The following CNTRL variants were observed in gnomAD, a reference collection of about 807,000 sequenced individuals.
CNTRL encodes centriolin.
A neutral mutation model predicts 303.7 loss-of-function variants in CNTRL; 233 were observed. The ratio of observed to expected loss-of-function variants is 0.77; its 90% CI spans 0.69 to 0.86. The LOEUF (loss-of-function observed/expected upper bound fraction) is 0.86, where lower values mean the gene tolerates loss of function less well. CNTRL is among the 40% of genes least tolerant of loss of function. CNTRL has a pLI of 0.00. For missense variants in CNTRL, 2,524 were observed against 2,650.6 expected (o/e 0.95, Z 1.05); for synonymous variants, 900 against 922.2 (o/e 0.98, Z 0.44).
At position 121,158,907 on chromosome 9, in the gene CNTRL, A is replaced by C; in HGVS notation, c.4817A>C (p.Lys1606Thr). 2.5e-6 allele frequency: 4 copies of C among 1,614,158 alleles called. No homozygotes were observed. The highest frequency in any genetic ancestry group is 2.5e-6 in the Non-Finnish European group (3 of 1,180,012). Reference sequence around the variant, plus strand: ...GTCTTGGACAGGCAGTTAGGGCATAAAAAGGAGGAGCTGCATCTACTCCAA... The same window carrying C: ...GTCTTGGACAGGCAGTTAGGGCATACAAAGGAGGAGCTGCATCTACTCCAA... ...MAVLDRQLGH[K>T]KEELHLLQGS... The change falls in exon 31 of 44, where the codon AAA (lysine) becomes ACA (threonine). Residue 1606 changes from lysine (K) to threonine (T), a missense_variant. Physicochemically the swap from Lys to Thr is moderately conservative, Grantham distance 78 (BLOSUM62 -1). Coordinates refer to ENST00000373855, the MANE Select transcript of CNTRL (RefSeq NM_007018.6).
chr9:121,165,375 A>G (rs1208325397), intron 35 of CNTRL, among the ~76,000 whole-genome samples: 1 of 152,216 alleles, frequency 6.6e-6, no homozygotes, highest in Non-Finnish European at 1.5e-5. Flanking sequence ...AGCAAAAAGA[A>G]ATAAAAATTG....
At chr9:121,109,014 G>C (rs910991896) in intron 8 of CNTRL, among the ~76,000 whole-genome samples, 2 of 152,074 alleles carry the variant, frequency 1.3e-5, no homozygotes, top group African/African-American at 4.8e-5. Context: ...GAATGTTACT[G>C]TATACAGTTA....
intron 7 of CNTRL, among the ~76,000 whole-genome samples, chr9:121,104,709 T>TC (rs2049371492): frequency 6.9e-6 from 1 of 145,292 alleles, no homozygotes; most frequent in African/African-American, 2.5e-5. Context: ...TTTTTTTTTT[T>TC]TTTTTTTTTG....
intron 7 of CNTRL, among the ~76,000 whole-genome samples, chr9:121,100,538 G>C (rs2049108073): frequency 6.6e-6 from 1 of 152,176 alleles, no homozygotes; most frequent in African/African-American, 2.4e-5. Context: ...ATAATGAAAG[G>C]ACCAAATTCA....
At position 121,098,439 on chromosome 9, in the gene CNTRL, A is replaced by G. The variant is rs772122904; in HGVS notation, c.675A>G (p.Leu225=). The change falls in exon 7 of 44, where the codon CTA becomes CTG. Residue 225 remains leucine (L), a synonymous_variant. Coordinates refer to ENST00000373855, the MANE Select transcript of CNTRL (RefSeq NM_007018.6). The stretch of plus-strand genomic sequence containing the variant: ...TTCAAGATTTGATTTCTCTGATCCT[A>G]GTTGAAAATCCAGTTGTGACCCTTC... ...KPLQDLISLI[L]VENPVVTLPH... 2 of 1,613,646 alleles carry G rather than the reference A, an allele frequency of 1.2e-6. No individual in the cohort carries two copies. Among genetic ancestry groups the G allele is most frequent in the Non-Finnish European group, 1.7e-6 (2 of 1,179,626 alleles).
At chr9:121,147,677 G>A (rs900920099) in intron 23 of CNTRL, among the ~76,000 whole-genome samples, 1 of 152,154 alleles carries the variant, frequency 6.6e-6, no homozygotes, top group African/African-American at 2.4e-5. Flanking sequence ...CAAAGCAGAG[G>A]GGCCTGGTGC....
intron 4 of CNTRL, among the ~76,000 whole-genome samples, chr9:121,091,822 C>A (rs183703523): frequency 4.6e-5 from 7 of 150,628 alleles, no homozygotes; most frequent in African/African-American, 1.7e-4. Flanking sequence ...CTAGCCTGGG[C>A]AACCTAGATG....
At position 121,161,837 on chromosome 9, in the gene CNTRL, C is replaced by T; in HGVS notation, c.5090-19C>T. 6.5e-7 allele frequency: 1 copy of T among 1,544,474 alleles called. No individual in the cohort carries two copies. Among genetic ancestry groups the T allele is most frequent in the Non-Finnish European group, 8.9e-7 (1 of 1,119,068 alleles). On this transcript the variant is annotated intron_variant, in intron 32 of 43. Transcript: ENST00000373855. ...AGTTCATTTAATATCATGGACCATGCTTTGTTTCTATCCCTTAGAACTAAA... is the reference window on the plus strand; with the variant it reads ...AGTTCATTTAATATCATGGACCATGTTTTGTTTCTATCCCTTAGAACTAAA...
intron 12 of CNTRL, among the ~76,000 whole-genome samples, chr9:121,123,091 T>G (rs1364662252): frequency 1.3e-5 from 2 of 152,152 alleles, no homozygotes; most frequent in Admixed American, 1.3e-4. Flanking sequence ...GTAGATTTAA[T>G]TTTTTTATTA....
intron 4 of CNTRL, among the ~76,000 whole-genome samples, chr9:121,091,042 C>T (rs1588066537): frequency 6.6e-6 from 1 of 152,266 alleles, no homozygotes. Context: ...CTTACTATCA[C>T]GAGAACAGTA....
intron 2 of CNTRL, among the ~76,000 whole-genome samples, chr9:121,085,957 G>A (rs1402311585): frequency 6.6e-6 from 1 of 152,164 alleles, no homozygotes; most frequent in Non-Finnish European, 1.5e-5. Context: ...ATATAAGTGG[G>A]TCAAAGGTAG....
chr9:121,140,807 C>T (rs765609019), intron 17 of CNTRL, 21 bp downstream of exon 17: 20 of 1,605,494 alleles, frequency 1.2e-5, no homozygotes, highest in Admixed American at 1.7e-5. Flanking sequence ...AGCAAGACCT[C>T]CAAGTCTAGA....
At chr9:121,139,799 A>G (rs979414909) in intron 16 of CNTRL, among the ~76,000 whole-genome samples, 1 of 152,152 alleles carries the variant, frequency 6.6e-6, no homozygotes, top group African/African-American at 2.4e-5. Context: ...TTTAAAGAAA[A>G]ATTTCATACA....
intron 39 of CNTRL, 42 bp from the exon 40 acceptor site, chr9:121,171,366 C>T: frequency 1.2e-6 from 2 of 1,611,540 alleles, no homozygotes; most frequent in Non-Finnish European, 1.7e-6. Flanking sequence ...ACCACACCTC[C>T]ATGTGTTAGA....
rs2053470114 is a variant in CNTRL at position 121,175,211 on chromosome 9, T to G, written c.6941T>G (p.Leu2314Arg). The change falls in exon 43 of 44, where the codon CTT becomes CGT. Residue 2314 changes from leucine (L) to arginine (R), a missense_variant. By Grantham distance (102) the Leu-to-Arg change is moderately radical. Transcript: ENST00000373855. Reference protein sequence around the residue: ...LESSLTEDSQLGQNQEKNASA... With the variant: ...LESSLTEDSQRGQNQEKNASA... ...TCTTCCCTCACAGAGGACTCTCAAC[T>G]TGGACAAAATCAGGTAAGCAGCAGC... 6.2e-7 allele frequency: 1 copy of G among 1,613,902 alleles called. No individual in the cohort carries two copies. Among genetic ancestry groups the G allele is most frequent in the Admixed American group, 1.7e-5 (1 of 59,990 alleles).
In CNTRL at chr9:121,090,342, T is replaced by C. The variant is rs1465961472; in HGVS notation, c.285T>C (p.Asp95=). The stretch of plus-strand genomic sequence containing the variant: ...TCATTAAAAAACTTACTAAACAGGA[T>C]AATTTGGCTTTGATAAAATCTCTGA... ...EALIKKLTKQ[D]NLALIKSLNL... The change falls in exon 4 of 44, where the codon GAT becomes GAC. Residue 95 remains aspartate (D), a synonymous_variant. Transcript: ENST00000373855. 1 of 1,612,918 alleles carries C rather than the reference T, an allele frequency of 6.2e-7. No homozygotes were observed. Among genetic ancestry groups the C allele is most frequent in the African/African-American group, 1.3e-5 (1 of 74,912 alleles).
In CNTRL at chr9:121,145,117, A is replaced by G. The variant is rs943556679; in HGVS notation, c.3169-127A>G. On this transcript the variant is annotated intron_variant, in intron 21 of 43. Transcript: ENST00000373855. ...GTGTGCCAGGCTTGGTGCAGTTTCC[A>G]AGTAATGCAGTTTCCTCACTGGGAA... is the stretch of plus-strand genomic sequence containing the variant. The G allele has an allele frequency of 1.7e-5, 21 of 1,215,982 alleles. No individual in the cohort carries two copies. The South Asian group carries it at 3.1e-4, about 18-fold the overall frequency. The allele number at this position is 1,215,982 out of a possible 1,614,324, so 75.3% of individuals were successfully genotyped here. A position where few individuals can be genotyped will look rare whatever the true frequency, so the allele number is the denominator to read the frequency against.
chr9:121,092,768 T>TATAA (rs1388615045), intron 4 of CNTRL, among the ~76,000 whole-genome samples: 1 of 102,110 alleles, frequency 9.8e-6, no homozygotes, highest in Non-Finnish European at 1.8e-5. Flanking sequence ...TCTATATATA[T>TATAA]TATATATATC....
intron 19 of CNTRL, among the ~76,000 whole-genome samples, chr9:121,142,978 A>AAAAC (rs1269400034): frequency 6.6e-6 from 1 of 152,098 alleles, no homozygotes; most frequent in East Asian, 1.9e-4. Context: ...TTCCCTGACA[A>AAAAC]AACTGAAGCT....
Sources: gnomAD v4.1 joint callset for allele counts (sites outside exome capture counted in the v4.1 genomes callset) on GRCh38, gnomAD v4.1.1 for gene constraint, MANE v1.5 for transcripts, NCBI Gene and HGNC (gene_info 2026-07-23, HGNC 2026-07-21) for gene names.